Variants in LRIG1 observed in about 807,000 individuals in gnomAD.
LRIG1 encodes the protein leucine-rich repeats and immunoglobulin-like domains protein 1.
In LRIG1, 48 loss-of-function variants were observed where a neutral mutation model predicts 99.2. The observed-to-expected ratio is 0.48, with a 90% CI of 0.38 to 0.62. The LOEUF (loss-of-function observed/expected upper bound fraction) is 0.62, where lower values mean the gene tolerates loss of function less well. Among genes scored for constraint, LRIG1 ranks in the 20% least tolerant of loss-of-function variants. The pLI, the probability that LRIG1 is intolerant of heterozygous loss-of-function variation, is 0.00. For synonymous variants in LRIG1, 772 were observed against 596.1 expected, an observed-to-expected ratio of 1.29 and a Z score of -4.30; for missense variants, 1,646 against 1,434.4, an observed-to-expected ratio of 1.15 and a Z score of -2.38.
At chr3:66,414,615 C>G (rs1361673995) in intron 5 of LRIG1, among the ~76,000 whole-genome samples, 1 of 151,864 alleles carries the variant, frequency 6.6e-6, no homozygotes, top group Admixed American at 6.6e-5. Flanking sequence ...AAATAAGAAC[C>G]CAAACCCATG....
chr3:66,394,492 G>A (rs1380456578), intron 11 of LRIG1, among the ~76,000 whole-genome samples: 4 of 152,164 alleles, frequency 2.6e-5, no homozygotes, highest in East Asian at 1.9e-4. Context: ...CCCAAGGACC[G>A]CAACTGGAGC....
At chr3:66,480,234 T>C (rs1040416937) in intron 1 of LRIG1, among the ~76,000 whole-genome samples, 5 of 152,192 alleles carry the variant, frequency 3.3e-5, no homozygotes, top group African/African-American at 1.2e-4. Context: ...CATGATTCTA[T>C]TTATATGAAT....
At chr3:66,424,786 T>C (rs913313859) in intron 3 of LRIG1, among the ~76,000 whole-genome samples, 6 of 152,318 alleles carry the variant, frequency 3.9e-5, no homozygotes, top group African/African-American at 1.2e-4. Flanking sequence ...ACACATTCAA[T>C]AGAAATTGTA....
chr3:66,482,749 A>T (rs1700879973), intron 1 of LRIG1, among the ~76,000 whole-genome samples: 1 of 152,230 alleles, frequency 6.6e-6, no homozygotes, highest in Non-Finnish European at 1.5e-5. Context: ...AAACTTTACA[A>T]GTTTTATGTA....
intron 9 of LRIG1, among the ~76,000 whole-genome samples, chr3:66,400,979 T>G (rs756752317): frequency 1.9e-4 from 29 of 152,022 alleles, no homozygotes; most frequent in Non-Finnish European, 3.2e-4. Context: ...CTCCGTTTCA[T>G]CAGAAACAGA....
At chr3:66,481,050 T>C (rs886562977) in intron 1 of LRIG1, among the ~76,000 whole-genome samples, 16 of 152,102 alleles carry the variant, frequency 1.1e-4, no homozygotes, top group Non-Finnish European at 1.9e-4. Context: ...TTTGTTGAAG[T>C]TGATTGAAAA....
At position 66,421,508 on chromosome 3, in the gene LRIG1, C is replaced by T. The variant is rs574397318; in HGVS notation, c.366-4242G>A. 1.3e-4 allele frequency among the ~76,000 whole-genome samples: 20 copies of T among 152,320 alleles called. No individual in the cohort carries two copies. In the East Asian group the frequency reaches 3.1e-3, roughly 24 times the overall value. On this transcript the variant is annotated intron_variant, in intron 3 of 18. Transcript: ENST00000273261. ...GCAGTCATGTCTCACATCCAGATCA[C>T]GCTGATGCAAGACGTGGGTTCCCAT...
chr3:66,475,760 G>T (rs1700708550), intron 1 of LRIG1, among the ~76,000 whole-genome samples: 1 of 152,148 alleles, frequency 6.6e-6, no homozygotes, highest in Non-Finnish European at 1.5e-5. Context: ...CGTCAGGATG[G>T]TTTATAAGGT....
At chr3:66,381,190 G>A (rs931227589) in intron 17 of LRIG1, among the ~76,000 whole-genome samples, 15 of 152,190 alleles carry the variant, frequency 9.9e-5, no homozygotes, top group Non-Finnish European at 1.8e-4. Context: ...AATAGCCCTG[G>A]TGAAAAAGTG....
chr3:66,384,402 G>T, intron 13 of LRIG1, 130 bp from the exon 14 acceptor site: 1 of 974,894 alleles, frequency 1.0e-6, no homozygotes, highest in Non-Finnish European at 1.6e-6. Flanking sequence ...TGTCTGCCCA[G>T]GACCACTCCT....
At chr3:66,407,609 GCACGCGCGTGCGTGCACACACACACC>G (rs1702318338) in intron 7 of LRIG1, 118 bp from the exon 8 acceptor site, 5 of 1,063,438 alleles carry the variant, frequency 4.7e-6, no homozygotes, top group African/African-American at 1.6e-5. Context: ...AGATGCACAC[GCACGCGCGTGCGTGCACACACACACC>G]CACACCCACA....
At chr3:66,467,799 C>T (rs775682807) in intron 1 of LRIG1, among the ~76,000 whole-genome samples, 3 of 152,162 alleles carry the variant, frequency 2.0e-5, no homozygotes, top group African/African-American at 7.2e-5. Flanking sequence ...AAATAACCAA[C>T]GAATATATCT....
chr3:66,500,258 G>A lies in LRIG1; in HGVS notation c.150C>T (p.Asp50=). Reference sequence around the variant, plus strand: ...GCCCGCGCCCACCGCAGTCCAGCGAGTCCCCAGCGCAAGTGCAGGCGGCCG... The same window carrying A: ...GCCCGCGCCCACCGCAGTCCAGCGAATCCCCAGCGCAAGTGCAGGCGGCCG... ...PCAAACTCAG[D]SLDCGGRGLA... Residue 50 remains aspartate (D), a synonymous_variant, in exon 1 of 19, where the codon GAC becomes GAT. Transcript: ENST00000273261. The A allele has an allele frequency of 6.6e-7, 1 of 1,508,272 alleles. No homozygotes were observed. The highest frequency in any genetic ancestry group is 2.1e-5 in the Admixed American group (1 of 48,096). The allele number at this position is 1,508,272 out of a possible 1,614,324, so 93.4% of individuals were successfully genotyped here.
At chr3:66,478,361 G>A (rs758783231) in intron 1 of LRIG1, among the ~76,000 whole-genome samples, 1 of 152,290 alleles carries the variant, frequency 6.6e-6, no homozygotes, top group Admixed American at 6.5e-5. Flanking sequence ...ACAGGTGTGC[G>A]CAGGCAGGAG....
chr3:66,401,957 A>AG (rs1371199290), intron 9 of LRIG1, among the ~76,000 whole-genome samples: 1 of 152,170 alleles, frequency 6.6e-6, no homozygotes, highest in African/African-American at 2.4e-5. Context: ...CCTTGGAAGT[A>AG]GCCGCGACAT....
intron 3 of LRIG1, among the ~76,000 whole-genome samples, chr3:66,428,049 G>A (rs958045351): frequency 5.3e-5 from 8 of 152,148 alleles, no homozygotes; most frequent in African/African-American, 1.9e-4. Context: ...GACGGACATT[G>A]AGTTATTTCC....
chr3:66,451,572 C>G lies in LRIG1; in HGVS notation c.352G>C (p.Val118Leu), dbSNP rs755071993. ...GGCACCACTTACAGAAAGAGAGAGA[C>G]GACATGTGATGAAGCAGCGCCCAGG... ...PSLGAASSHV[V>L]SLFLQHNKIR... Residue 118 changes from valine to leucine, a missense_variant, in exon 3 of 19, where the codon GTC (valine) becomes CTC (leucine). Transcript: ENST00000273261. 6.2e-7 allele frequency: 1 copy of G among 1,613,816 alleles called. No individual in the cohort carries two copies. Among genetic ancestry groups the G allele is most frequent in the Non-Finnish European group, 8.5e-7 (1 of 1,179,948 alleles).
chr3:66,416,686 T>C (rs1369709103), intron 4 of LRIG1, among the ~76,000 whole-genome samples: 3 of 152,180 alleles, frequency 2.0e-5, no homozygotes, highest in African/African-American at 7.2e-5. Flanking sequence ...TTACAGTGCA[T>C]GACACTAGAA....
intron 7 of LRIG1, among the ~76,000 whole-genome samples, chr3:66,407,797 T>A (rs1702329172): frequency 6.6e-6 from 1 of 152,180 alleles, no homozygotes; most frequent in African/African-American, 2.4e-5. Flanking sequence ...ACAACAACTC[T>A]CAAGCTCCAG....
Sources: gnomAD v4.1 joint callset for allele counts (sites outside exome capture counted in the v4.1 genomes callset) on GRCh38, gnomAD v4.1.1 for gene constraint, MANE v1.5 for transcripts, NCBI Gene and HGNC (gene_info 2026-07-23, HGNC 2026-07-21) for gene names.